Variants in MBNL1 observed in about 807,000 individuals in gnomAD.
MBNL1 encodes muscleblind like splicing regulator 1, also known as muscleblind-like protein 1.
Under a neutral mutation model 42.2 loss-of-function variants are expected in MBNL1, and 8 were observed. The observed-to-expected ratio is 0.19, with a 90% CI of 0.11 to 0.34. The LOEUF is 0.34. MBNL1 is among the 10% of genes least tolerant of loss of function. The probability of loss-of-function intolerance (pLI) is 1.00; values close to 1 mark genes in which losing one functional copy is unlikely to be tolerated. For synonymous variants in MBNL1, 169 were observed against 173.9 expected, an observed-to-expected ratio of 0.97 and a Z score of 0.22; for missense variants, 309 against 495.3, an observed-to-expected ratio of 0.62 and a Z score of 3.57.
chr3:152,322,065 G>GTT (rs35577420), intron 2 of MBNL1, among the ~76,000 whole-genome samples: 4 of 151,728 alleles, frequency 2.6e-5, no homozygotes, highest in Non-Finnish European at 4.4e-5. Flanking sequence ...TGAAAACAGA[G>GTT]TTTTTTTAAC....
chr3:152,347,611 C>A (rs1325455556), intron 2 of MBNL1, among the ~76,000 whole-genome samples: 1 of 152,054 alleles, frequency 6.6e-6, no homozygotes, highest in African/African-American at 2.4e-5. Flanking sequence ...CACAGAAAAT[C>A]ATGTAAGAAG....
At chr3:152,436,221 G>A (rs747922031) in intron 4 of MBNL1, among the ~76,000 whole-genome samples, 18 of 152,094 alleles carry the variant, frequency 1.2e-4, no homozygotes, top group Non-Finnish European at 1.9e-4. Flanking sequence ...TCAGATTTTA[G>A]CATATTGACA....
chr3:152,439,316 C>T (rs981193265), intron 4 of MBNL1, among the ~76,000 whole-genome samples: 1 of 152,112 alleles, frequency 6.6e-6, no homozygotes, highest in Admixed American at 6.5e-5. Context: ...AAAAGCATGC[C>T]TATGTTGGGA....
chr3:152,295,772 G>T (rs1188353474), intron 1 of MBNL1, among the ~76,000 whole-genome samples: 1 of 152,198 alleles, frequency 6.6e-6, no homozygotes, highest in African/African-American at 2.4e-5. Context: ...GAGGAAGTGT[G>T]TGTCAAACCA....
intron 1 of MBNL1, chr3:152,269,493 C>T: frequency 2.2e-6 from 1 of 454,866 alleles, no homozygotes; most frequent in Non-Finnish European, 4.4e-6. Context: ...CGGGTCTTCC[C>T]GGCGGCTCCC....
intron 1 of MBNL1, chr3:152,269,648 C>T (rs1257791736): frequency 6.1e-6 from 2 of 329,586 alleles, no homozygotes; most frequent in African/African-American, 4.5e-5. Flanking sequence ...TGCTGTATTT[C>T]AGGCCAGTTT....
intron 9 of MBNL1, among the ~76,000 whole-genome samples, chr3:152,460,121 A>C (rs1009455189): frequency 6.6e-6 from 1 of 151,854 alleles, no homozygotes; most frequent in Non-Finnish European, 1.5e-5. Context: ...TGGGTATGGT[A>C]GCACACTCTG....
chr3:152,308,601 C>G (rs1196537197), intron 2 of MBNL1, among the ~76,000 whole-genome samples: 2 of 152,018 alleles, frequency 1.3e-5, no homozygotes, highest in Non-Finnish European at 2.9e-5. Context: ...CCAAGTGACC[C>G]CCATGTTTCT....
chr3:152,410,658 A>G (rs1375588355), intron 2 of MBNL1, among the ~76,000 whole-genome samples: 1 of 152,280 alleles, frequency 6.6e-6, no homozygotes. Context: ...ACTTTTCCCC[A>G]ACCTAATACT....
At chr3:152,426,225 A>G (rs1243960092) in intron 3 of MBNL1, among the ~76,000 whole-genome samples, 2 of 152,134 alleles carry the variant, frequency 1.3e-5, no homozygotes, top group African/African-American at 2.4e-5. Flanking sequence ...GGGGGATAGC[A>G]TTAGGAGAAA....
chr3:152,270,016 T>A (rs1038874945), intron 1 of MBNL1, among the ~76,000 whole-genome samples: 1 of 150,824 alleles, frequency 6.6e-6, no homozygotes, highest in Non-Finnish European at 1.5e-5. Flanking sequence ...AGCAGGTATA[T>A]GGTGGCGCTT....
chr3:152,441,385 T>C (rs1449446509), intron 4 of MBNL1, among the ~76,000 whole-genome samples: 1 of 152,226 alleles, frequency 6.6e-6, no homozygotes, highest in Non-Finnish European at 1.5e-5. Context: ...CTATGCATTA[T>C]TTTATTCAGT....
chr3:152,429,426 TCTTATG>T (rs941226651), intron 3 of MBNL1, among the ~76,000 whole-genome samples: 3 of 152,208 alleles, frequency 2.0e-5, no homozygotes, highest in Non-Finnish European at 4.4e-5. Context: ...AACCAAACTT[TCTTATG>T]TCTTTCAGGA....
At chr3:152,332,690 TTTTGTGTG>T (rs1241407229) in intron 2 of MBNL1, among the ~76,000 whole-genome samples, 31 of 129,022 alleles carry the variant, frequency 2.4e-4, no homozygotes, top group African/African-American at 7.0e-4. Flanking sequence ...GTTTTCATGG[TTTTGTGTG>T]TGTGTGTGTG....
chr3:152,259,622 C>T (rs1328464626), intron 2 of MBNL1, among the ~76,000 whole-genome samples: 1 of 152,146 alleles, frequency 6.6e-6, no homozygotes, highest in Non-Finnish European at 1.5e-5. Flanking sequence ...GACAGTAACA[C>T]CAAAGACTGC....
intron 2 of MBNL1, chr3:152,335,111 C>T (rs2088789822): frequency 7.8e-7 from 1 of 1,286,674 alleles, no homozygotes; most frequent in Non-Finnish European, 1.0e-6. Context: ...GGTGCTGCAG[C>T]AGTCACTCAG....
intron 4 of MBNL1, among the ~76,000 whole-genome samples, chr3:152,444,663 A>T (rs753092828): frequency 5.3e-5 from 8 of 152,216 alleles, no homozygotes; most frequent in Non-Finnish European, 8.8e-5. Context: ...TAACCAATCT[A>T]CAGACTTTAA....
chr3:152,378,242 G>A (rs1009474604), intron 2 of MBNL1, among the ~76,000 whole-genome samples: 1 of 152,144 alleles, frequency 6.6e-6, no homozygotes, highest in African/African-American at 2.4e-5. Flanking sequence ...GCTGAGGTGG[G>A]AGGATCACTT....
chr3:152,251,681 G>A (rs933042048), intron 2 of MBNL1, among the ~76,000 whole-genome samples: 1 of 151,662 alleles, frequency 6.6e-6, no homozygotes, highest in African/African-American at 2.4e-5. Context: ...TACACTTTCT[G>A]CTGGAGTTCC....
Sources: gnomAD v4.1 joint callset for allele counts (sites outside exome capture counted in the v4.1 genomes callset) on GRCh38, gnomAD v4.1.1 for gene constraint, MANE v1.5 for transcripts, NCBI Gene and HGNC (gene_info 2026-07-23, HGNC 2026-07-21) for gene names.